IKZF1: variants seen among roughly 807,000 people sequenced by gnomAD.
The protein encoded by IKZF1 is IKAROS family zinc finger 1, also known as DNA-binding protein Ikaros.
IKZF1 carries 10 observed loss-of-function variants against 51.7 expected under a neutral mutation model. The ratio of observed to expected loss-of-function variants is 0.19; its 90% CI spans 0.12 to 0.33. The LOEUF (loss-of-function observed/expected upper bound fraction) is 0.33, where lower values mean the gene tolerates loss of function less well. IKZF1 is among the 10% of genes least tolerant of loss of function. The pLI is 1.00. For missense variants in IKZF1, 484 were observed against 707.5 expected, an observed-to-expected ratio of 0.68 and a Z score of 3.58; for synonymous variants, 280 against 282.3, an observed-to-expected ratio of 0.99 and a Z score of 0.08.
In IKZF1 at chr7:50,402,087, C is replaced by A. The variant is rs1200117236; in HGVS notation, c.*1460C>A. The A allele has an allele frequency of 4.3e-6, 1 of 230,720 alleles. No individual in the cohort carries two copies. Among genetic ancestry groups the A allele is most frequent in the East Asian group, 6.1e-5 (1 of 16,386 alleles). 14.3% of individuals were successfully genotyped at this position (230,720 alleles called of 1,614,324 possible). ...GTGCTATGACATGGAGGCACTGAAG[C>A]CCGAGGAAGGTGTGTGGAGATTCTA... On this transcript the variant is annotated 3_prime_UTR_variant, in exon 8 of 8. Transcript: ENST00000331340.
intron 3 of IKZF1, among the ~76,000 whole-genome samples, chr7:50,359,065 A>G (rs1440615539): frequency 6.6e-6 from 1 of 152,106 alleles, no homozygotes; most frequent in Non-Finnish European, 1.5e-5. Flanking sequence ...TTTCAGACCA[A>G]CCTAGGCAAT....
intron 5 of IKZF1, among the ~76,000 whole-genome samples, chr7:50,383,115 T>C (rs1008817140): frequency 3.9e-5 from 6 of 152,184 alleles, no homozygotes; most frequent in Non-Finnish European, 7.4e-5. Context: ...CGCTTTGGAG[T>C]GTTTTACACA....
At chr7:50,346,097 T>C (rs985995721) in intron 3 of IKZF1, among the ~76,000 whole-genome samples, 3 of 152,154 alleles carry the variant, frequency 2.0e-5, no homozygotes, top group Non-Finnish European at 4.4e-5. Flanking sequence ...TTAGAAGAGA[T>C]TCTAGTGCAG....
intron 7 of IKZF1, among the ~76,000 whole-genome samples, chr7:50,396,289 G>A (rs903014104): frequency 2.0e-5 from 3 of 151,770 alleles, no homozygotes; most frequent in African/African-American, 7.3e-5. Context: ...GTTCTCTTGT[G>A]GTTTTCCTCT....
At chr7:50,310,708 G>A (rs1789965058) in intron 1 of IKZF1, among the ~76,000 whole-genome samples, 1 of 152,196 alleles carries the variant, frequency 6.6e-6, no homozygotes, top group Non-Finnish European at 1.5e-5. Context: ...CCCTATTGCA[G>A]AACAAAGTAG....
chr7:50,404,386 T>A lies in IKZF1; in HGVS notation c.*3759T>A. On this transcript the variant is annotated 3_prime_UTR_variant, in exon 8 of 8. Transcript: ENST00000331340. ...GGAATAGAGTATCCTTTTGTACACA[T>A]TTTGAAATGCTTCTTCTGTAGTGAT... 8.8e-6 allele frequency: 2 copies of A among 227,136 alleles called. No homozygotes were observed. Among genetic ancestry groups the A allele is most frequent in the Non-Finnish European group, 1.8e-5 (2 of 114,084 alleles). 14.1% of individuals were successfully genotyped at this position (227,136 alleles called of 1,614,324 possible). A position where few individuals can be genotyped will look rare whatever the true frequency, so the allele number is the denominator to read the frequency against.
intron 7 of IKZF1, among the ~76,000 whole-genome samples, chr7:50,393,040 G>T (rs1449661540): frequency 6.6e-6 from 1 of 152,134 alleles, no homozygotes; most frequent in African/African-American, 2.4e-5. Flanking sequence ...AGAAGCACTG[G>T]CATATTTTTT....
chr7:50,320,365 C>T (rs1396794832), intron 2 of IKZF1, among the ~76,000 whole-genome samples: 1 of 152,078 alleles, frequency 6.6e-6, no homozygotes, highest in Non-Finnish European at 1.5e-5. Flanking sequence ...GTGATATATA[C>T]AATGTATAGT....
intron 1 of IKZF1, among the ~76,000 whole-genome samples, chr7:50,311,962 C>A (rs1790281626): frequency 6.6e-6 from 1 of 152,092 alleles, no homozygotes; most frequent in African/African-American, 2.4e-5. Flanking sequence ...TAGTAAATTA[C>A]CAAAAAAATA....
chr7:50,345,148 T>C (rs377265241), intron 3 of IKZF1, among the ~76,000 whole-genome samples: 2 of 152,090 alleles, frequency 1.3e-5, no homozygotes, highest in African/African-American at 4.8e-5. Context: ...AGGGTATAAA[T>C]AATCTGAATT....
intron 3 of IKZF1, chr7:50,369,839 C>T (rs1808135106): frequency 5.6e-6 from 2 of 359,062 alleles, no homozygotes; most frequent in East Asian, 4.0e-5. Flanking sequence ...CATTTAAAGG[C>T]CTTAAATTGC....
chr7:50,363,239 G>A (rs957772050), intron 3 of IKZF1, among the ~76,000 whole-genome samples: 21 of 152,308 alleles, frequency 1.4e-4, no homozygotes, highest in African/African-American at 4.6e-4. Context: ...GGAGCCCCCA[G>A]ACCAGGGCCC....
At chr7:50,336,564 G>A (rs914801482) in intron 3 of IKZF1, among the ~76,000 whole-genome samples, 1 of 152,210 alleles carries the variant, frequency 6.6e-6, no homozygotes, top group Admixed American at 6.5e-5. Flanking sequence ...GACAGGCGGT[G>A]GCGAGAGGCC....
Position 50,400,408 on chromosome 7 carries a change from C to G in IKZF1, c.1341C>G (p.Asp447Glu), listed in dbSNP as rs143013761. 1 of 1,613,730 alleles carries G rather than the reference C, an allele frequency of 6.2e-7. No individual in the cohort carries two copies. The highest frequency in any genetic ancestry group is 2.2e-5 in the East Asian group (1 of 44,878). The change falls in exon 8 of 8, where the codon GAC becomes GAG. Residue 447 changes from aspartate (D) to glutamate (E), a missense_variant. Transcript: ENST00000331340. This position sits in a 1 kb window ranked among gnomAD's most constrained non-coding sequence, Gnocchi z 5.4. ...LLRAASENSQ[D>E]ALRVVSTSGE... ...GCGCCGCCTCCGAGAACTCGCAGGA[C>G]GCGCTCCGCGTGGTCAGCACCAGCG... is the stretch of plus-strand genomic sequence containing the variant.
At chr7:50,364,520 A>G (rs1223345096) in intron 3 of IKZF1, among the ~76,000 whole-genome samples, 2 of 152,252 alleles carry the variant, frequency 1.3e-5, no homozygotes, top group African/African-American at 4.8e-5. Flanking sequence ...GACAGAGAAC[A>G]GGGTTGAGAG....
At chr7:50,387,285 C>T in intron 5 of IKZF1, 60 bp from the exon 6 acceptor site, 2 of 1,552,378 alleles carry the variant, frequency 1.3e-6, no homozygotes, top group South Asian at 1.2e-5. Flanking sequence ...TGCATGCATT[C>T]CCCTTACACA....
At chr7:50,336,102 A>G (rs1797708225) in intron 3 of IKZF1, among the ~76,000 whole-genome samples, 1 of 152,034 alleles carries the variant, frequency 6.6e-6, no homozygotes, top group Admixed American at 6.5e-5. Context: ...TGACACACTG[A>G]CCCCTACAAA....
chr7:50,395,964 T>G (rs1293337968), intron 7 of IKZF1, among the ~76,000 whole-genome samples: 2 of 152,244 alleles, frequency 1.3e-5, no homozygotes, highest in Non-Finnish European at 2.9e-5. Context: ...TGTTTCTTCT[T>G]CAAGGTGATT....
chr7:50,394,240 T>C (rs1006222529), intron 7 of IKZF1: 3 of 232,752 alleles, frequency 1.3e-5, no homozygotes, highest in Non-Finnish European at 2.5e-5. Flanking sequence ...GGCAGTTCAT[T>C]TGTAAAAATG....
Sources: gnomAD v4.1 joint callset for allele counts (sites outside exome capture counted in the v4.1 genomes callset) on GRCh38, gnomAD v4.1.1 for gene constraint, Gnocchi (gnomAD v3.1) non-coding constraint, MANE v1.5 for transcripts, NCBI Gene and HGNC (gene_info 2026-07-23, HGNC 2026-07-21) for gene names.